The following IL4I1 variants were observed in gnomAD, a reference collection of about 807,000 sequenced individuals.
IL4I1 encodes the protein interleukin 4 induced 1, also known as L-amino-acid oxidase.
Under a neutral mutation model 29.7 loss-of-function variants are expected in IL4I1, and 24 were observed. The observed-to-expected ratio is 0.81, with a 90% CI of 0.59 to 1.14. IL4I1 has a LOEUF of 1.14. IL4I1 is among the 50% of genes most tolerant of loss of function. The probability of loss-of-function intolerance (pLI) is 0.00; values close to 1 mark genes in which losing one functional copy is unlikely to be tolerated. For synonymous variants in IL4I1, 371 were observed against 352.5 expected (o/e 1.05, Z -0.59); for missense variants, 686 against 785.6 (o/e 0.87, Z 1.52).
intron 2 of IL4I1, among the ~76,000 whole-genome samples, chr19:49,919,184 G>A (rs1478105764): frequency 6.6e-6 from 1 of 152,184 alleles, no homozygotes; most frequent in Non-Finnish European, 1.5e-5. Context: ...TTTGTGAATA[G>A]GTAGTATGTT....
At chr19:49,896,300 G>A in intron 1 of IL4I1, 118 bp from the exon 2 acceptor site, 2 of 1,259,636 alleles carry the variant, frequency 1.6e-6, no homozygotes, top group African/African-American at 1.5e-5. Context: ...TCACTGTCCT[G>A]CTCTCTGGAC....
intron 2 of IL4I1, chr19:49,906,915 G>A (rs1265816174): frequency 6.6e-6 from 1 of 152,412 alleles, no homozygotes; most frequent in Non-Finnish European, 1.5e-5. Flanking sequence ...AAATACAAAA[G>A]ATGCTTGGGA....
intron 3 of IL4I1, 104 bp downstream of exon 3, chr19:49,895,711 C>A: frequency 2.2e-6 from 2 of 919,960 alleles, no homozygotes; most frequent in East Asian, 3.1e-5. Context: ...CCCCACATCC[C>A]CACCTCCACC....
intron 2 of IL4I1, among the ~76,000 whole-genome samples, chr19:49,910,049 G>A (rs1337568996): frequency 6.6e-6 from 1 of 152,132 alleles, no homozygotes; most frequent in Non-Finnish European, 1.5e-5. Context: ...AAGCACAAAA[G>A]CACGCCCCAG....
rs1264846419 is a variant in IL4I1 at position 49,893,892 on chromosome 19, C to G, written c.567+376G>C. On this transcript the variant is annotated intron_variant, in intron 5 of 7. Coordinates refer to ENST00000391826, the MANE Select transcript of IL4I1 (RefSeq NM_152899.2). ...ATCCCAGCTACTCGGGAGGCTGAGG[C>G]AGAGAATTGCTTGAACCTGGGAGGC... is the stretch of plus-strand genomic sequence containing the variant. Among the ~76,000 whole-genome samples the G allele has an allele frequency of 2.1e-5, 3 of 144,434 alleles. No individual in the cohort carries two copies. In the Admixed American group the frequency reaches 2.3e-4, roughly 11 times the overall value. 94.8% of individuals were successfully genotyped at this position (144,434 alleles called of 152,430 possible). A position where few individuals can be genotyped will look rare whatever the true frequency, so the allele number is the denominator to read the frequency against.
chr19:49,894,168 G>T (rs1239504333), intron 5 of IL4I1, 100 bp downstream of exon 5: 12 of 1,148,664 alleles, frequency 1.0e-5, no homozygotes, highest in Non-Finnish European at 1.5e-5. Flanking sequence ...CCCCATGGAG[G>T]GGACTGAAGG....
intron 5 of IL4I1, among the ~76,000 whole-genome samples, chr19:49,893,402 T>G (rs2075163595): frequency 6.7e-6 from 1 of 150,108 alleles, no homozygotes; most frequent in African/African-American, 2.5e-5. Context: ...GAGGAGGAGG[T>G]CAGGAGGAGG....
intron 7 of IL4I1, 22 bp downstream of exon 7, chr19:49,890,946 CCTG>C (rs1568683567): frequency 1.3e-6 from 1 of 767,562 alleles, no homozygotes; most frequent in Non-Finnish European, 1.8e-6. Flanking sequence ...GCCCCCCCCC[CCTG>C]CCCGCCAGCC....
intron 2 of IL4I1, among the ~76,000 whole-genome samples, chr19:49,911,675 G>A (rs1286503534): frequency 6.6e-6 from 1 of 152,206 alleles, no homozygotes; most frequent in Non-Finnish European, 1.5e-5. Context: ...CACACGCTCT[G>A]CCTTGTCTAA....
At chr19:49,915,679 G>A (rs761451548) in intron 2 of IL4I1, among the ~76,000 whole-genome samples, 4 of 152,240 alleles carry the variant, frequency 2.6e-5, no homozygotes, top group African/African-American at 4.8e-5. Flanking sequence ...CAGAGCTGGG[G>A]TTGAGAAAGG....
At chr19:49,899,055 T>C (rs535297776), upstream of IL4I1, among the ~76,000 whole-genome samples, 4 of 152,332 alleles carry the variant, frequency 2.6e-5, no homozygotes, top group African/African-American at 7.2e-5. Context: ...CGCGGCGGGA[T>C]TGGGGCCTTA....
intron 2 of IL4I1, among the ~76,000 whole-genome samples, chr19:49,906,530 C>A (rs528642312): frequency 6.6e-6 from 1 of 152,286 alleles, no homozygotes; most frequent in Non-Finnish European, 1.5e-5. Context: ...GTATATTCTA[C>A]GACATAACTG....
chr19:49,905,953 C>G (rs1444319448), intron 2 of IL4I1, among the ~76,000 whole-genome samples: 1 of 152,104 alleles, frequency 6.6e-6, no homozygotes, highest in Non-Finnish European at 1.5e-5. Context: ...ACTTTTGGAA[C>G]CTGGGCCATG....
chr19:49,890,038 C>A lies in IL4I1; in HGVS notation c.1336G>T (p.Glu446Ter). 1 of 1,551,396 alleles carries A rather than the reference C, an allele frequency of 6.4e-7. No homozygotes were observed. The highest frequency in any genetic ancestry group is 1.2e-5 in the South Asian group (1 of 84,388). The change falls in exon 8 of 8, where the codon GAG (glutamate) becomes TAG (stop). Residue 446 changes from glutamate to a stop codon, truncating the protein, a stop_gained. Transcript: ENST00000391826. LOFTEE classifies it low-confidence loss of function (END_TRUNC). ...AAGCCACCCTGGCTGTGCTGGTCCTCCGCCCAACGCTTGACGACGCCGGTG... is the reference window on the plus strand; with the variant it reads ...AAGCCACCCTGGCTGTGCTGGTCCTACGCCCAACGCTTGACGACGCCGGTG... ...DGTGVVKRWA[E>*]DQHSQGGFVV...
intron 5 of IL4I1, among the ~76,000 whole-genome samples, chr19:49,892,488 G>C (rs770598537): frequency 1.3e-5 from 2 of 152,160 alleles, no homozygotes; most frequent in Non-Finnish European, 1.5e-5. Context: ...TTTTATGGCA[G>C]CTCTGGTTCT....
chr19:49,925,295 CA>C (rs2075859958), intron 2 of IL4I1, among the ~76,000 whole-genome samples: 2 of 151,590 alleles, frequency 1.3e-5, no homozygotes. Context: ...CAAAACAAAA[CA>C]AAAAACCCAG....
At chr19:49,923,122 G>A (rs1313948825) in intron 2 of IL4I1, among the ~76,000 whole-genome samples, 1 of 152,096 alleles carries the variant, frequency 6.6e-6, no homozygotes, top group African/African-American at 2.4e-5. Context: ...AAGGGACAAG[G>A]GCAGGCACAA....
chr19:49,916,751 G>A (rs1050192482), intron 2 of IL4I1, among the ~76,000 whole-genome samples: 2 of 151,926 alleles, frequency 1.3e-5, no homozygotes, highest in African/African-American at 2.4e-5. Flanking sequence ...GAGACAGAGC[G>A]AGACTCCGTC....
upstream of IL4I1, among the ~76,000 whole-genome samples, chr19:49,899,100 G>T (rs967403730): frequency 2.6e-5 from 4 of 152,348 alleles, no homozygotes; most frequent in Admixed American, 2.0e-4. Flanking sequence ...CCACAGTGGG[G>T]AATGGCAGTG....
Sources: gnomAD v4.1 joint callset for allele counts (sites outside exome capture counted in the v4.1 genomes callset) on GRCh38, gnomAD v4.1.1 for gene constraint, MANE v1.5 for transcripts, NCBI Gene and HGNC (gene_info 2026-07-23, HGNC 2026-07-21) for gene names.